FKBP3: variants seen among roughly 807,000 people sequenced by gnomAD.
FKBP3 encodes the protein peptidyl-prolyl cis-trans isomerase FKBP3.
In FKBP3, 21 loss-of-function variants were observed where a neutral mutation model predicts 30.6. The ratio of observed to expected loss-of-function variants is 0.69; its 90% confidence interval spans 0.49 to 0.99. The LOEUF (loss-of-function observed/expected upper bound fraction) is 0.99, where lower values mean the gene tolerates loss of function less well. Ranked by LOEUF, FKBP3 falls within the 50% of genes least tolerant of loss-of-function variation. FKBP3 has a pLI of 0.00. For synonymous variants in FKBP3, 82 were observed against 91.3 expected, an observed-to-expected ratio of 0.90 and a Z score of 0.58; for missense variants, 283 against 261.6, an observed-to-expected ratio of 1.08 and a Z score of -0.56.
intron 1 of FKBP3, among the ~76,000 whole-genome samples, chr14:45,132,280 TTGTTA>T (rs1475075877): frequency 6.6e-6 from 1 of 152,244 alleles, no homozygotes; most frequent in Non-Finnish European, 1.5e-5. Flanking sequence ...TGGTGGTTTC[TTGTTA>T]AAGATTCCAG....
At chr14:45,118,351 A>G (rs947831318) in intron 5 of FKBP3, among the ~76,000 whole-genome samples, 10 of 152,096 alleles carry the variant, frequency 6.6e-5, no homozygotes, top group Admixed American at 3.3e-4. Context: ...ATGTGAAAAG[A>G]ACCTTTTGGG....
chr14:45,116,175 C>CTT lies in FKBP3; in HGVS notation c.*21_*22dup, dbSNP rs751456467. The CTT allele has an allele frequency of 5.7e-6, 9 of 1,573,038 alleles. No homozygotes were observed. In the Admixed American group the frequency reaches 1.5e-4, roughly 26 times the overall value. On this transcript the variant is annotated 3_prime_UTR_variant, in exon 7 of 7. Transcript: ENST00000396062. ...AAGTTTTATCATTGTTGCTAATATC[C>CTT]TTAGAGCTGAAGCACTGCTATTTCA...
At chr14:45,132,769 A>G (rs1885248547) in intron 1 of FKBP3, among the ~76,000 whole-genome samples, 1 of 152,100 alleles carries the variant, frequency 6.6e-6, no homozygotes. Context: ...TGTTATAAAA[A>G]CATTTTGATA....
intron 6 of FKBP3, among the ~76,000 whole-genome samples, chr14:45,116,674 A>G (rs566933063): frequency 5.9e-4 from 90 of 151,920 alleles, no homozygotes; most frequent in Middle Eastern, 3.4e-3. Flanking sequence ...TGGCCAACAC[A>G]GTGAAACCCT....
intron 3 of FKBP3, among the ~76,000 whole-genome samples, chr14:45,122,256 G>A (rs1425753849): frequency 6.6e-6 from 1 of 150,960 alleles, no homozygotes; most frequent in Non-Finnish European, 1.5e-5. Flanking sequence ...CAGAGGAACT[G>A]TCAAGAATCT....
chr14:45,119,689 A>AT (rs1388630873), intron 5 of FKBP3, among the ~76,000 whole-genome samples: 1,748 of 143,664 alleles, frequency 0.012, 20 homozygotes, highest in Non-Finnish European at 0.017. Flanking sequence ...GCAGGTAACA[A>AT]TTTTTTTTTT....
At position 45,118,523 on chromosome 14, in the gene FKBP3, C is replaced by T. The variant is rs555885169; in HGVS notation, c.523-398G>A. On this transcript the variant is annotated intron_variant, in intron 5 of 6. Coordinates refer to ENST00000396062, the MANE Select transcript of FKBP3 (RefSeq NM_002013.4). ...GTGGGTGCCTGTAATCCCAGCTACT[C>T]GGGAGGCTGAGGCAGGGGAATCACT... 2.0e-4 allele frequency among the ~76,000 whole-genome samples: 30 copies of T among 151,910 alleles called. No homozygotes were observed. In the South Asian group the frequency reaches 5.2e-3, roughly 26 times the overall value.
intron 3 of FKBP3, among the ~76,000 whole-genome samples, chr14:45,124,665 A>G (rs1885059721): frequency 6.6e-6 from 1 of 151,876 alleles, no homozygotes; most frequent in Non-Finnish European, 1.5e-5. Flanking sequence ...CGGCTCACTT[A>G]TAGGCTCTAG....
At chr14:45,132,941 TAAGAG>T (rs2064576463) in intron 1 of FKBP3, among the ~76,000 whole-genome samples, 1 of 152,166 alleles carries the variant, frequency 6.6e-6, no homozygotes, top group Admixed American at 6.5e-5. Context: ...CGAATTGGCT[TAAGAG>T]AAAATAGTTC....
chr14:45,115,603 T>G lies in FKBP3; in HGVS notation c.*595A>C, dbSNP rs1369943433. On this transcript the variant is annotated 3_prime_UTR_variant, in exon 7 of 7. Coordinates refer to ENST00000396062, the MANE Select transcript of FKBP3 (RefSeq NM_002013.4). ...TAAAACGGAAGACTCATCCAGTAAT[T>G]GTTTATGAATTTATTTTGGGGGGAT... The G allele has an allele frequency of 6.6e-6, 1 of 152,610 alleles. No individual in the cohort carries two copies. Among genetic ancestry groups the G allele is most frequent in the Non-Finnish European group, 1.5e-5 (1 of 68,016 alleles). The allele number at this position is 152,610 out of a possible 1,614,324, so 9.5% of individuals were successfully genotyped here.
In FKBP3 at chr14:45,118,931, A is replaced by G. The variant is rs372718272; in HGVS notation, c.523-806T>C. On this transcript the variant is annotated intron_variant, in intron 5 of 6. Transcript: ENST00000396062. ...GAGTGCAATAGCGTGATCTTGGCTC[A>G]CTGCAGCCTCTGCCTCCCGGGTTTA... Among the ~76,000 whole-genome samples the G allele has an allele frequency of 7.2e-5, 11 of 152,240 alleles. No individual in the cohort carries two copies. In the East Asian group the frequency reaches 1.5e-3, roughly 21 times the overall value.
chr14:45,122,126 C>G (rs1884998211), intron 3 of FKBP3, among the ~76,000 whole-genome samples: 1 of 152,022 alleles, frequency 6.6e-6, no homozygotes. Context: ...ATGAAATTAC[C>G]TAAAGAAATT....
At chr14:45,121,227 T>C (rs182023732) in intron 4 of FKBP3, among the ~76,000 whole-genome samples, 10 of 152,314 alleles carry the variant, frequency 6.6e-5, no homozygotes, top group Non-Finnish European at 1.5e-4. Context: ...TCTATTCAAA[T>C]ACTAATGCCT....
chr14:45,126,810 C>T (rs113469724), intron 3 of FKBP3, among the ~76,000 whole-genome samples: 4 of 152,030 alleles, frequency 2.6e-5, no homozygotes, highest in African/African-American at 9.6e-5. Flanking sequence ...ACAGCATGAC[C>T]CTGTCTCTTT....
Position 45,118,977 on chromosome 14 carries a change from C to T in FKBP3, c.523-852G>A, listed in dbSNP as rs564281140. On this transcript the variant is annotated intron_variant, in intron 5 of 6. Transcript: ENST00000396062. ...GTTTAACCGATTCTCCTGCCTCAGC[C>T]TCCCTAGTAGTTGGGATTACAGGCA... Among the ~76,000 whole-genome samples the T allele has an allele frequency of 1.5e-4, 23 of 152,294 alleles. No homozygotes were observed. In the South Asian group the frequency reaches 2.5e-3, roughly 16 times the overall value.
At chr14:45,120,200 ACAATGGG>A (rs904903753) in intron 5 of FKBP3, among the ~76,000 whole-genome samples, 4 of 152,344 alleles carry the variant, frequency 2.6e-5, no homozygotes, top group African/African-American at 9.6e-5. Flanking sequence ...AACAATGGGC[ACAATGGG>A]CAGGCCTTAG....
At chr14:45,120,757 T>A (rs1200021302) in intron 5 of FKBP3, 130 bp downstream of exon 5, 1 of 713,258 alleles carries the variant, frequency 1.4e-6, no homozygotes, top group Admixed American at 2.4e-5. Flanking sequence ...TAACAATGAT[T>A]ATACCCAATC....
intron 3 of FKBP3, 75 bp downstream of exon 3, chr14:45,129,719 T>C (rs969944428): frequency 3.6e-5 from 32 of 894,458 alleles, no homozygotes; most frequent in Non-Finnish European, 4.9e-5. Flanking sequence ...TATGAGAAGT[T>C]AGTGCAAATA....
Position 45,120,876 on chromosome 14 carries a change from T to C in FKBP3, c.522+11A>G. 1.2e-6 allele frequency: 2 copies of C among 1,607,912 alleles called. No homozygotes were observed. Among genetic ancestry groups the C allele is most frequent in the South Asian group, 1.1e-5 (1 of 90,926 alleles). On this transcript the variant is annotated intron_variant, in intron 5 of 6. Transcript: ENST00000396062. ...AGAATATCTACTGATTCATTGGCAT[T>C]CTTTACTTACTCCTCTGATAACTTT...
Sources: gnomAD v4.1 joint callset for allele counts (sites outside exome capture counted in the v4.1 genomes callset) on GRCh38, gnomAD v4.1.1 for gene constraint, MANE v1.5 for transcripts, NCBI Gene and HGNC (gene_info 2026-07-23, HGNC 2026-07-21) for gene names.